ARB2A: variants seen among roughly 807,000 people sequenced by gnomAD.
The protein encoded by ARB2A is cotranscriptional regulator ARB2A.
the ARB2A span, chr5:93,743,601 A>G: frequency 3.1e-6 from 3 of 969,884 alleles, no homozygotes; most frequent in Middle Eastern, 5.3e-4. Context: ...GCTGGATCAC[A>G]AAGAGGGATA....
chr5:93,799,981 A>T, the ARB2A span, among the ~76,000 whole-genome samples: 1 of 152,132 alleles, frequency 6.6e-6, no homozygotes. Flanking sequence ...AATATATTCA[A>T]AAGTATATGT....
At chr5:93,952,256 C>T in the ARB2A span, among the ~76,000 whole-genome samples, 1 of 152,282 alleles carries the variant, frequency 6.6e-6, no homozygotes, top group African/African-American at 2.4e-5. Context: ...CCACAAAACA[C>T]TGACAGTAGC....
chr5:93,625,044 A>G, the ARB2A span, among the ~76,000 whole-genome samples: 3 of 152,150 alleles, frequency 2.0e-5, no homozygotes, highest in Non-Finnish European at 4.4e-5. Context: ...CACCATGCCC[A>G]TGGTACTTGA....
the ARB2A span, among the ~76,000 whole-genome samples, chr5:93,908,365 TA>T: frequency 1.3e-5 from 2 of 150,914 alleles, no homozygotes; most frequent in African/African-American, 4.8e-5. Flanking sequence ...GTCTGAGATA[TA>T]AACATTTAAA....
chr5:94,079,397 G>A, the ARB2A span, among the ~76,000 whole-genome samples: 1 of 152,112 alleles, frequency 6.6e-6, no homozygotes, highest in African/African-American at 2.4e-5. Flanking sequence ...ACTGTCAGGG[G>A]TAGGCATTTT....
chr5:93,780,749 G>A, the ARB2A span, among the ~76,000 whole-genome samples: 7 of 151,544 alleles, frequency 4.6e-5, no homozygotes, highest in African/African-American at 7.3e-5. Flanking sequence ...CAGTAGAGAC[G>A]AGGTTTCACC....
the ARB2A span, among the ~76,000 whole-genome samples, chr5:94,110,471 C>CT: frequency 6.6e-6 from 1 of 152,124 alleles, no homozygotes; most frequent in Non-Finnish European, 1.5e-5. Flanking sequence ...CCAGAGCATC[C>CT]TTAACTTTTC....
the ARB2A span, among the ~76,000 whole-genome samples, chr5:93,966,356 C>T: frequency 6.6e-6 from 1 of 151,868 alleles, no homozygotes; most frequent in African/African-American, 2.4e-5. Flanking sequence ...ACTGACCTTA[C>T]AAAAAGAAAA....
the ARB2A span, among the ~76,000 whole-genome samples, chr5:94,062,534 T>G: frequency 2.6e-5 from 4 of 151,976 alleles, no homozygotes; most frequent in Non-Finnish European, 4.4e-5. Flanking sequence ...CCCCAGCAGT[T>G]CAAATTCCCA....
At chr5:94,000,615 A>G in the ARB2A span, among the ~76,000 whole-genome samples, 1 of 151,940 alleles carries the variant, frequency 6.6e-6, no homozygotes. Flanking sequence ...TTGTATTCTC[A>G]TTCTCTTAAC....
the ARB2A span, among the ~76,000 whole-genome samples, chr5:93,785,538 C>T: frequency 6.6e-6 from 1 of 152,030 alleles, no homozygotes; most frequent in Non-Finnish European, 1.5e-5. Flanking sequence ...CACTGCACAC[C>T]ATGCTTATGA....
At chr5:94,066,250 T>G in the ARB2A span, among the ~76,000 whole-genome samples, 1 of 151,410 alleles carries the variant, frequency 6.6e-6, no homozygotes, top group Non-Finnish European at 1.5e-5. Flanking sequence ...AGTAGAAAGA[T>G]TTCAAATAAT....
chr5:93,977,315 T>A, the ARB2A span, among the ~76,000 whole-genome samples: 246 of 147,148 alleles, frequency 1.7e-3, no homozygotes, highest in Non-Finnish European at 2.6e-3. Flanking sequence ...CAAAAAAAAA[T>A]AAAATAAAAT....
the ARB2A span, among the ~76,000 whole-genome samples, chr5:93,945,290 T>G: frequency 6.6e-6 from 1 of 152,000 alleles, no homozygotes; most frequent in South Asian, 2.1e-4. Flanking sequence ...GGCAGGTGCC[T>G]GTAATCCCAG....
the ARB2A span, chr5:93,824,067 G>A: frequency 8.4e-7 from 1 of 1,193,978 alleles, no homozygotes; most frequent in Non-Finnish European, 1.1e-6. Flanking sequence ...AACTTAAAGA[G>A]TATTGATACC....
chr5:94,089,836 T>C, the ARB2A span, among the ~76,000 whole-genome samples: 8 of 152,214 alleles, frequency 5.3e-5, no homozygotes, highest in Non-Finnish European at 8.8e-5. Flanking sequence ...TACTATACAA[T>C]AGATGCCAGG....
chr5:93,844,269 T>C, the ARB2A span, among the ~76,000 whole-genome samples: 10 of 151,768 alleles, frequency 6.6e-5, no homozygotes, highest in Admixed American at 2.6e-4. Flanking sequence ...CATGGTGAGA[T>C]TTCATCTGTA....
At chr5:94,040,474 G>C in the ARB2A span, among the ~76,000 whole-genome samples, 1 of 151,642 alleles carries the variant, frequency 6.6e-6, no homozygotes, top group South Asian at 2.1e-4. Flanking sequence ...ATTTGCATTA[G>C]GTATATCTCC....
At chr5:93,968,171 C>A in the ARB2A span, among the ~76,000 whole-genome samples, 1 of 152,120 alleles carries the variant, frequency 6.6e-6, no homozygotes, top group Non-Finnish European at 1.5e-5. Context: ...AGTTACCAGG[C>A]TGCTAAAAGG....
Sources: allele counts gnomAD v4.1 joint callset (sites outside exome capture counted in the v4.1 genomes callset), GRCh38; gene constraint gnomAD v4.1.1; transcripts MANE v1.5; gene names NCBI Gene and HGNC (gene_info 2026-07-23, HGNC 2026-07-21).